SLC26A7: variants seen among roughly 807,000 people sequenced by gnomAD.
SLC26A7 encodes solute carrier family 26 member 7.
In SLC26A7, 59 loss-of-function variants were observed where a neutral mutation model predicts 82.5. That is an observed-to-expected ratio of 0.72 (90% CI 0.58 to 0.89). The LOEUF (loss-of-function observed/expected upper bound fraction) is 0.89. Among genes scored for constraint, SLC26A7 ranks in the 40% least tolerant of loss-of-function variants. The pLI is 0.00. For missense variants in SLC26A7, 820 were observed against 793.0 expected, an observed-to-expected ratio of 1.03 and a Z score of -0.41; for synonymous variants, 271 against 274.3, an observed-to-expected ratio of 0.99 and a Z score of 0.12.
intron 5 of SLC26A7, among the ~76,000 whole-genome samples, chr8:91,330,934 G>A (rs771220251): frequency 6.6e-6 from 1 of 152,032 alleles, no homozygotes; most frequent in African/African-American, 2.4e-5. Flanking sequence ...TTACAGTCCT[G>A]GAGACTGTAA....
intron 2 of SLC26A7, among the ~76,000 whole-genome samples, chr8:91,239,398 ATATATATATATATGTATATGT>A (rs1810440640): frequency 2.9e-5 from 3 of 104,368 alleles, no homozygotes; most frequent in Non-Finnish European, 5.6e-5. Flanking sequence ...AAAAAAAAAT[ATATATATATATATGTATATGT>A]ATATATATGT....
chr8:91,305,892 G>A (rs1170166552), intron 4 of SLC26A7, among the ~76,000 whole-genome samples: 1 of 151,940 alleles, frequency 6.6e-6, no homozygotes, highest in Non-Finnish European at 1.5e-5. Flanking sequence ...ACTTTAAATG[G>A]CCATTCTATC....
At chr8:91,236,577 A>AC (rs1563638120) in intron 2 of SLC26A7, among the ~76,000 whole-genome samples, 2 of 149,208 alleles carry the variant, frequency 1.3e-5, no homozygotes, top group East Asian at 3.9e-4. Flanking sequence ...TAAAAAAAAA[A>AC]CTCACAAATT....
intron 15 of SLC26A7, among the ~76,000 whole-genome samples, chr8:91,386,603 T>C (rs938414359): frequency 2.0e-5 from 3 of 152,204 alleles, no homozygotes; most frequent in South Asian, 4.1e-4. Flanking sequence ...CTGATGATTT[T>C]CTTTATATTT....
intron 2 of SLC26A7, among the ~76,000 whole-genome samples, chr8:91,224,436 C>T (rs1011711678): frequency 6.6e-6 from 1 of 152,148 alleles, no homozygotes; most frequent in Non-Finnish European, 1.5e-5. Flanking sequence ...ATAGTCAGGA[C>T]CCTCTTCTGT....
chr8:91,219,149 A>G (rs1810113977), intron 2 of SLC26A7: 2 of 413,498 alleles, frequency 4.8e-6, no homozygotes, highest in Non-Finnish European at 8.6e-6. Context: ...AACGTTCCCA[A>G]TCTAAGCACT....
chr8:91,224,480 G>C (rs1810207135), intron 2 of SLC26A7, among the ~76,000 whole-genome samples: 1 of 152,134 alleles, frequency 6.6e-6, no homozygotes, highest in Non-Finnish European at 1.5e-5. Context: ...GTTCACTTCA[G>C]GCCTTATTCA....
At chr8:91,340,772 A>G (rs1289128835) in intron 8 of SLC26A7, 1 of 515,892 alleles carries the variant, frequency 1.9e-6, no homozygotes, top group Non-Finnish European at 3.4e-6. Context: ...AATAGAAGGC[A>G]TCATGATGTT....
At chr8:91,381,294 T>C (rs1031087607) in intron 15 of SLC26A7, among the ~76,000 whole-genome samples, 9 of 152,144 alleles carry the variant, frequency 5.9e-5, no homozygotes, top group African/African-American at 2.2e-4. Flanking sequence ...CATAGTATAA[T>C]ATCAATTGAA....
At chr8:91,243,845 T>C (rs1810506560) in intron 2 of SLC26A7, among the ~76,000 whole-genome samples, 1 of 152,134 alleles carries the variant, frequency 6.6e-6, no homozygotes, top group Admixed American at 6.5e-5. Flanking sequence ...GCACAGGTCA[T>C]CACATTGGAC....
chr8:91,380,642 C>T (rs1814645758), intron 15 of SLC26A7, among the ~76,000 whole-genome samples: 1 of 152,146 alleles, frequency 6.6e-6, no homozygotes, highest in African/African-American at 2.4e-5. Flanking sequence ...GTCATGTTGA[C>T]ATTCAGAAAG....
chr8:91,352,162 A>G (rs777380443), intron 10 of SLC26A7, among the ~76,000 whole-genome samples: 54 of 152,106 alleles, frequency 3.6e-4, no homozygotes, highest in Non-Finnish European at 6.6e-4. Flanking sequence ...GAGTGGAACT[A>G]GGCATATTCT....
Position 91,392,656 on chromosome 8 carries a change from G to T in SLC26A7, c.1777-1141G>T, listed in dbSNP as rs531876679. ...GCTTTCTAACAACACTCCTTGCATT[G>T]TTTTCTTAGTTGCTTTAGCATAAGA... On this transcript the variant is annotated intron_variant, in intron 16 of 18. Coordinates refer to ENST00000276609, the MANE Select transcript of SLC26A7 (RefSeq NM_052832.4). Among the ~76,000 whole-genome samples, 6 of 152,236 alleles carry T rather than the reference G, an allele frequency of 3.9e-5. No individual in the cohort carries two copies. In the South Asian group the frequency reaches 1.2e-3, roughly 32 times the overall value.
In SLC26A7 at chr8:91,318,257, G is replaced by A; in HGVS notation, c.519G>A (p.Val173=). The change falls in exon 5 of 19, where the codon GTG becomes GTA. Residue 173 remains valine (V), a synonymous_variant. Transcript: ENST00000276609. ...TGCAACTGGGCAGTGCCACATTTGT[G>A]GTCACAGAGCCTGTGATCAGCGCAA... ...FVLQLGSATF[V]VTEPVISAMT... The A allele has an allele frequency of 1.9e-6, 3 of 1,606,520 alleles. No individual in the cohort carries two copies. The highest frequency in any genetic ancestry group is 1.7e-5 in the Admixed American group (1 of 59,018).
At chr8:91,263,568 C>G (rs1811027494) in intron 2 of SLC26A7, among the ~76,000 whole-genome samples, 1 of 152,020 alleles carries the variant, frequency 6.6e-6, no homozygotes, top group Non-Finnish European at 1.5e-5. Context: ...TTATTTAACT[C>G]TTTCTTTGTG....
At chr8:91,278,457 A>T (rs545682423) in intron 2 of SLC26A7, among the ~76,000 whole-genome samples, 1 of 152,318 alleles carries the variant, frequency 6.6e-6, no homozygotes, top group East Asian at 1.9e-4. Context: ...ATCATAATAT[A>T]TAGAAGTATA....
chr8:91,299,015 G>A (rs1229599971), intron 4 of SLC26A7, among the ~76,000 whole-genome samples: 3 of 152,244 alleles, frequency 2.0e-5, no homozygotes, highest in Middle Eastern at 3.4e-3. Flanking sequence ...CTTTAGCCAA[G>A]CAGGTGAAAA....
chr8:91,356,511 G>C (rs1484105683), intron 11 of SLC26A7, among the ~76,000 whole-genome samples: 1 of 152,080 alleles, frequency 6.6e-6, no homozygotes, highest in East Asian at 1.9e-4. Context: ...GTGTTTTTTG[G>C]CTGCATAAAT....
Position 91,389,298 on chromosome 8 carries a change from T to C in SLC26A7, c.1676-40T>C, listed in dbSNP as rs752657478. ...CAACAAAGCCAGCAGCAGAAGTCTCTTAAAACTCTCCCTAACTCAAGTCTC... is the reference window on the plus strand; with the variant it reads ...CAACAAAGCCAGCAGCAGAAGTCTCCTAAAACTCTCCCTAACTCAAGTCTC... On this transcript the variant is annotated intron_variant, in intron 15 of 18. Coordinates refer to ENST00000276609, the MANE Select transcript of SLC26A7 (RefSeq NM_052832.4). 7 of 1,512,354 alleles carry C rather than the reference T, an allele frequency of 4.6e-6. No homozygotes were observed. The Admixed American group carries it at 5.0e-5, about 11-fold the overall frequency. The allele number at this position is 1,512,354 out of a possible 1,614,324, so 93.7% of individuals were successfully genotyped here.
Sources: gnomAD v4.1 joint callset for allele counts (sites outside exome capture counted in the v4.1 genomes callset) on GRCh38, gnomAD v4.1.1 for gene constraint, MANE v1.5 for transcripts, NCBI Gene and HGNC (gene_info 2026-07-23, HGNC 2026-07-21) for gene names.